The following FDCSP variants were observed in gnomAD, a reference collection of about 807,000 sequenced individuals.
FDCSP encodes follicular dendritic cell secreted protein.
Under a neutral mutation model 8.9 loss-of-function variants are expected in FDCSP, and 8 were observed. The observed-to-expected ratio is 0.90, with a 90% CI of 0.53 to 1.63. The LOEUF is 1.63. Among genes scored for constraint, FDCSP ranks in the 40% most tolerant of loss-of-function variants. The probability of loss-of-function intolerance (pLI) is 0.00; values close to 1 mark genes in which losing one functional copy is unlikely to be tolerated. For missense variants in FDCSP, 101 were observed against 103.6 expected (o/e 0.98, Z 0.11); for synonymous variants, 34 against 34.5 (o/e 0.98, Z 0.06).
rs964574525 is a variant in FDCSP at position 70,232,303 on chromosome 4, A to G, written c.58-691A>G. Among the ~76,000 whole-genome samples, 5 of 151,556 alleles carry G rather than the reference A, an allele frequency of 3.3e-5. No homozygotes were observed. In the East Asian group the frequency reaches 9.7e-4, roughly 29 times the overall value. Reference sequence around the variant, plus strand: ...CAAGTGTATAGGTATAAAGGATACCATTTTCCATCTTTTATACTGTATTTT... The same window carrying G: ...CAAGTGTATAGGTATAAAGGATACCGTTTTCCATCTTTTATACTGTATTTT... On this transcript the variant is annotated intron_variant, in intron 2 of 4. Coordinates refer to ENST00000317987, the MANE Select transcript of FDCSP (RefSeq NM_152997.4).
At chr4:70,233,936 G>A (rs770640264) in intron 3 of FDCSP, 84 bp from the exon 4 acceptor site, 132 of 1,277,900 alleles carry the variant, frequency 1.0e-4, no homozygotes, top group South Asian at 5.6e-4. Flanking sequence ...AAAAATAAAG[G>A]CCCATTATTT....
At chr4:70,233,924 C>A (rs1730129594) in intron 3 of FDCSP, 96 bp from the exon 4 acceptor site, 2 of 1,165,458 alleles carry the variant, frequency 1.7e-6, no homozygotes, top group Non-Finnish European at 2.4e-6. Context: ...AAGCCTCTTC[C>A]TAAAAATAAA....
rs984437712 is a variant in FDCSP at position 70,234,281 on chromosome 4, G to GA, written c.*28+75dup. The GA allele has an allele frequency of 1.1e-3, 1,396 of 1,314,400 alleles. 1 individual carries two copies. The highest frequency in any genetic ancestry group is 1.8e-3 in the African/African-American group (121 of 65,416). The allele number at this position is 1,314,400 out of a possible 1,614,324, so 81.4% of individuals were successfully genotyped here. ...GCAGATTGGAATCCATAATTTCAAG[G>GA]AAAAAAAAATGTTAACTATGTCCCT... On this transcript the variant is annotated intron_variant, in intron 4 of 4. Coordinates refer to ENST00000317987, the MANE Select transcript of FDCSP (RefSeq NM_152997.4).
At chr4:70,227,221 TGTGA>T (rs1206709002) in intron 1 of FDCSP, among the ~76,000 whole-genome samples, 1 of 151,842 alleles carries the variant, frequency 6.6e-6, no homozygotes, top group African/African-American at 2.4e-5. Flanking sequence ...GAGGAGTATG[TGTGA>T]GTGTGTGCAT....
At chr4:70,233,282 T>C (rs1040501325) in intron 3 of FDCSP, among the ~76,000 whole-genome samples, 1 of 151,700 alleles carries the variant, frequency 6.6e-6, no homozygotes, top group East Asian at 1.9e-4. Context: ...TGGGTTGCAA[T>C]ATTTTTTACT....
chr4:70,231,959 A>C (rs1321328797), intron 2 of FDCSP, among the ~76,000 whole-genome samples: 8 of 151,790 alleles, frequency 5.3e-5, no homozygotes, highest in Non-Finnish European at 1.5e-5. Context: ...ATAGTTTAAA[A>C]GTAAAAAAGA....
In FDCSP at chr4:70,229,066, A is replaced by G. The variant is rs555446810; in HGVS notation, c.1-2129A>G. Among the ~76,000 whole-genome samples, 54 of 151,962 alleles carry G rather than the reference A, an allele frequency of 3.6e-4. 1 individual carries two copies. The South Asian group carries it at 0.011, about 30-fold the overall frequency. ...TTTAGCTATGAAAGTTCTAGATGGT[A>G]TCTTTCTCCAAAATAAGACTGTTTC... On this transcript the variant is annotated intron_variant, in intron 1 of 4. Transcript: ENST00000317987.
chr4:70,226,381 TA>T lies in FDCSP; in HGVS notation c.-1+203del, dbSNP rs540639491. On this transcript the variant is annotated intron_variant, in intron 1 of 4. Coordinates refer to ENST00000317987, the MANE Select transcript of FDCSP (RefSeq NM_152997.4). ...AGTATTCTGTTTGCAAAACTTTTTT[TA>T]AAATCACCACCCTGCTGTAGTAAAT... Among the ~76,000 whole-genome samples the T allele has an allele frequency of 2.2e-3, 332 of 151,992 alleles. 2 individuals carry two copies. The highest frequency in any genetic ancestry group is 3.7e-3 in the South Asian group (18 of 4,816).
intron 1 of FDCSP, among the ~76,000 whole-genome samples, chr4:70,229,271 A>C (rs1243985109): frequency 1.3e-5 from 2 of 151,748 alleles, no homozygotes; most frequent in African/African-American, 2.4e-5. Context: ...TGTATAATTA[A>C]AGAGCATAGG....
chr4:70,233,745 C>A (rs1300720469), intron 3 of FDCSP, among the ~76,000 whole-genome samples: 1 of 151,536 alleles, frequency 6.6e-6, no homozygotes, highest in Non-Finnish European at 1.5e-5. Flanking sequence ...TACCGCAACA[C>A]CACATTCATC....
At chr4:70,230,160 A>G (rs1366142638) in intron 1 of FDCSP, among the ~76,000 whole-genome samples, 1 of 151,672 alleles carries the variant, frequency 6.6e-6, no homozygotes. Flanking sequence ...AATTTCAAGT[A>G]AAGTCCCCTA....
At chr4:70,228,312 A>C (rs1484579485) in intron 1 of FDCSP, among the ~76,000 whole-genome samples, 1 of 151,802 alleles carries the variant, frequency 6.6e-6, no homozygotes, top group African/African-American at 2.4e-5. Flanking sequence ...CATTCATTCA[A>C]GTTTTACCGT....
Position 70,232,188 on chromosome 4 carries a change from T to A in FDCSP, c.58-806T>A, listed in dbSNP as rs75820245. ...AAGTCCACAGGAGTAAACAGTAATG[T>A]CCTAGGCCTTCATATACAATAACTC... On this transcript the variant is annotated intron_variant, in intron 2 of 4. Coordinates refer to ENST00000317987, the MANE Select transcript of FDCSP (RefSeq NM_152997.4). Among the ~76,000 whole-genome samples, 939 of 151,730 alleles carry A rather than the reference T, an allele frequency of 6.2e-3. 9 individuals carry two copies. The highest frequency in any genetic ancestry group is 0.021 in the African/African-American group (886 of 41,478).
intron 2 of FDCSP, among the ~76,000 whole-genome samples, chr4:70,232,245 C>A (rs879504424): frequency 2.0e-5 from 3 of 151,474 alleles, no homozygotes; most frequent in Non-Finnish European, 4.4e-5. Context: ...AACTTCCAGT[C>A]CTGAAAGCTT....
chr4:70,230,151 A>G (rs1406641110), intron 1 of FDCSP, among the ~76,000 whole-genome samples: 1 of 151,630 alleles, frequency 6.6e-6, no homozygotes, highest in African/African-American at 2.4e-5. Flanking sequence ...TATGAGGCAA[A>G]TTTCAAGTAA....
chr4:70,226,243 A>G (rs1181086181), intron 1 of FDCSP, 61 bp downstream of exon 1: 1 of 151,970 alleles, frequency 6.6e-6, no homozygotes, highest in Admixed American at 6.6e-5. Context: ...GTAAATATAG[A>G]TATATAGCAT....
At chr4:70,229,819 A>T (rs1026842675) in intron 1 of FDCSP, among the ~76,000 whole-genome samples, 1 of 151,720 alleles carries the variant, frequency 6.6e-6, no homozygotes, top group Non-Finnish European at 1.5e-5. Flanking sequence ...AGATCACCAT[A>T]AAAGATATAA....
At chr4:70,231,164 C>T (rs1730076498) in intron 1 of FDCSP, 31 bp from the exon 2 acceptor site, 1 of 1,554,506 alleles carries the variant, frequency 6.4e-7, no homozygotes, top group Non-Finnish European at 8.8e-7. Flanking sequence ...AATGAAAGTT[C>T]TTCTTATTTT....
chr4:70,228,674 T>A (rs1422853849), intron 1 of FDCSP, among the ~76,000 whole-genome samples: 1 of 151,906 alleles, frequency 6.6e-6, no homozygotes, highest in Non-Finnish European at 1.5e-5. Flanking sequence ...CTTTGATCCA[T>A]AGGCTGCAGA....
Sources: allele counts gnomAD v4.1 joint callset (sites outside exome capture counted in the v4.1 genomes callset), GRCh38; gene constraint gnomAD v4.1.1; transcripts MANE v1.5; gene names NCBI Gene and HGNC (gene_info 2026-07-23, HGNC 2026-07-21).